MATN2: variants seen among roughly 807,000 people sequenced by gnomAD.
MATN2 encodes the protein matrilin 2, also known as matrilin-2.
A neutral mutation model predicts 103.2 loss-of-function variants in MATN2; 69 were observed. The ratio of observed to expected loss-of-function variants is 0.67; its 90% CI spans 0.55 to 0.82. The LOEUF is 0.82. MATN2 is among the 40% of genes least tolerant of loss of function. MATN2 has a pLI of 0.00. For missense variants in MATN2, 1,023 were observed against 1,211.5 expected (o/e 0.84, Z 2.31); for synonymous variants, 429 against 450.2 (o/e 0.95, Z 0.60).
At chr8:98,029,948 A>C (rs1243278726) in intron 14 of MATN2, among the ~76,000 whole-genome samples, 1 of 152,204 alleles carries the variant, frequency 6.6e-6, no homozygotes, top group Non-Finnish European at 1.5e-5. Context: ...TCTGTAGATT[A>C]TCCTTTTCAG....
intron 2 of MATN2, among the ~76,000 whole-genome samples, chr8:97,912,675 C>A (rs77888127): frequency 0.021 from 3,154 of 152,212 alleles, 84 homozygotes; most frequent in African/African-American, 0.059. Context: ...GGCAGCTCTG[C>A]TTTCCCCAAC....
chr8:97,944,430 C>G lies in MATN2; in HGVS notation c.835+2531C>G, dbSNP rs756637988. 3.9e-5 allele frequency among the ~76,000 whole-genome samples: 6 copies of G among 152,336 alleles called. No individual in the cohort carries two copies. In the East Asian group the frequency reaches 7.7e-4, roughly 20 times the overall value. ...ATGTGCAGTGATAAAGAACAGCTCTCTCTCTTTCAGAAGGGGATAATACTA... is the reference window on the plus strand; with the variant it reads ...ATGTGCAGTGATAAAGAACAGCTCTGTCTCTTTCAGAAGGGGATAATACTA... On this transcript the variant is annotated intron_variant, in intron 4 of 18. Coordinates refer to ENST00000254898, the MANE Select transcript of MATN2 (RefSeq NM_002380.5).
chr8:97,890,560 T>C (rs1328665297), intron 2 of MATN2, among the ~76,000 whole-genome samples: 1 of 152,134 alleles, frequency 6.6e-6, no homozygotes, highest in Non-Finnish European at 1.5e-5. Flanking sequence ...CAATCTGCTT[T>C]TTTTTTTCTC....
intron 7 of MATN2, among the ~76,000 whole-genome samples, chr8:98,000,815 G>A (rs760782461): frequency 8.5e-5 from 13 of 152,284 alleles, no homozygotes; most frequent in Non-Finnish European, 1.8e-4. Context: ...GTGGAACTCA[G>A]TCTAGTGAAA....
rs1305657744 is a variant in MATN2, at chr8:97,982,703, A to C, written c.1081+3695A>C. Among the ~76,000 whole-genome samples the C allele has an allele frequency of 6.6e-6, 1 of 152,236 alleles. No homozygotes were observed. The highest frequency in any genetic ancestry group is 1.5e-5 in the Non-Finnish European group (1 of 68,036). On this transcript the variant is annotated intron_variant, in intron 6 of 18. Transcript: ENST00000254898. The surrounding 1 kb of genome is among the most constrained non-coding windows in gnomAD (Gnocchi z 4.3). ...TGGTGTTCAAAAAAGCACCACCTTT[A>C]TATCAATTTCTTACCCTAGAGCAGC...
chr8:98,033,963 T>G (rs921553157), intron 18 of MATN2, among the ~76,000 whole-genome samples: 22 of 152,036 alleles, frequency 1.4e-4, no homozygotes, highest in African/African-American at 5.1e-4. Flanking sequence ...TAACTCCGTC[T>G]CTGCTAGGAA....
In MATN2 at chr8:98,021,077, G is replaced by C. The variant is rs188622481; in HGVS notation, c.1820-128G>C. 111 of 842,498 alleles carry C rather than the reference G, an allele frequency of 1.3e-4. 1 individual carries two copies. The African/African-American group carries it at 1.7e-3, about 13-fold the overall frequency. 52.2% of individuals were successfully genotyped at this position (842,498 alleles called of 1,614,324 possible). A position where few individuals can be genotyped will look rare whatever the true frequency, so the allele number is the denominator to read the frequency against. ...AGTATGAGACTGCAAAAGACATTAT[G>C]AAGGAGGTTTGAAGAGAGGTGTATT... On this transcript the variant is annotated intron_variant, in intron 12 of 18. Coordinates refer to ENST00000254898, the MANE Select transcript of MATN2 (RefSeq NM_002380.5).
At chr8:98,006,696 G>A (rs558506377) in intron 8 of MATN2, among the ~76,000 whole-genome samples, 8 of 152,298 alleles carry the variant, frequency 5.3e-5, no homozygotes, top group South Asian at 2.1e-4. Context: ...GATTCTGTGC[G>A]CCATGGCCCT....
At chr8:97,887,871 A>C in intron 1 of MATN2, 1 of 474,890 alleles carries the variant, frequency 2.1e-6, no homozygotes. Flanking sequence ...AATTCCAACT[A>C]TGCATGCCCT....
intron 6 of MATN2, 112 bp downstream of exon 6, chr8:97,979,120 G>A (rs1234448579): frequency 1.6e-6 from 2 of 1,275,288 alleles, no homozygotes; most frequent in African/African-American, 1.5e-5. Context: ...TGTCATGGGG[G>A]TCTAATACCT....
rs1468307494 is a variant in MATN2 at position 97,931,351 on chromosome 8, G to A, written c.541G>A (p.Ala181Thr). 1 of 1,613,890 alleles carries A rather than the reference G, an allele frequency of 6.2e-7. No homozygotes were observed. The highest frequency in any genetic ancestry group is 8.5e-7 in the Non-Finnish European group (1 of 1,179,882). ...ACCTCAGGACTCCGTGGCCGAGGTG[G>A]CTGCTAAGGCACGGGACACGGGCAT... ...GRPQDSVAEV[A>T]AKARDTGILI... Residue 181 changes from alanine to threonine, a missense_variant, in exon 3 of 19, where the codon GCT (alanine) becomes ACT (threonine). Transcript: ENST00000254898. The surrounding 1 kb of genome is among the most constrained non-coding windows in gnomAD (Gnocchi z 4.1).
At chr8:97,934,527 A>T (rs1263567476) in intron 3 of MATN2, among the ~76,000 whole-genome samples, 1 of 152,234 alleles carries the variant, frequency 6.6e-6, no homozygotes, top group African/African-American at 2.4e-5. Flanking sequence ...TTAAACATTC[A>T]TTGAACCTGT....
intron 1 of MATN2, among the ~76,000 whole-genome samples, chr8:97,869,631 G>A (rs1212993910): frequency 3.3e-5 from 5 of 152,234 alleles, no homozygotes; most frequent in Non-Finnish European, 4.4e-5. Flanking sequence ...GGGAAAGGGA[G>A]ACCTGTTGAG....
intron 12 of MATN2, among the ~76,000 whole-genome samples, chr8:98,019,416 G>A (rs1813498562): frequency 6.6e-6 from 1 of 152,170 alleles, no homozygotes; most frequent in Non-Finnish European, 1.5e-5. Flanking sequence ...GAGGACCTCA[G>A]TCTTTTTCTC....
At chr8:98,021,792 AAAAC>A (rs1345205509) in intron 13 of MATN2, among the ~76,000 whole-genome samples, 1 of 152,246 alleles carries the variant, frequency 6.6e-6, no homozygotes, top group Non-Finnish European at 1.5e-5. Flanking sequence ...CCATAAAAGA[AAAAC>A]AAAGGAAAAT....
At chr8:97,961,885 A>C (rs3816496) in intron 5 of MATN2, among the ~76,000 whole-genome samples, 62,764 of 152,032 alleles carry the variant, frequency 0.41, 13,387 homozygotes, top group Admixed American at 0.46. Flanking sequence ...TTATACATGA[A>C]ATTTACTTGG....
chr8:97,976,423 A>G (rs1160627019), intron 5 of MATN2, among the ~76,000 whole-genome samples: 1 of 152,198 alleles, frequency 6.6e-6, no homozygotes, highest in East Asian at 1.9e-4. Context: ...CTGAAACTTA[A>G]TGAAACTTTG....
chr8:97,952,479 A>C (rs984333608), intron 4 of MATN2, among the ~76,000 whole-genome samples: 10 of 152,106 alleles, frequency 6.6e-5, no homozygotes, highest in African/African-American at 2.4e-4. Flanking sequence ...CTCCCCCCTC[A>C]GTTCTGCCTC....
rs756052562 is a variant in MATN2, at chr8:98,033,675, A to C, written c.2815+16A>C. ...ACACAGCGCTATATCCTTTTCTTGC[A>C]TTATGCTTCTGTATGGAATGCAAAG... On this transcript the variant is annotated intron_variant, in intron 18 of 18. Coordinates refer to ENST00000254898, the MANE Select transcript of MATN2 (RefSeq NM_002380.5). The C allele has an allele frequency of 3.3e-6, 5 of 1,503,790 alleles. No individual in the cohort carries two copies. The East Asian group carries it at 1.1e-4, about 34-fold the overall frequency. The allele number at this position is 1,503,790 out of a possible 1,614,324, so 93.2% of individuals were successfully genotyped here. A position where few individuals can be genotyped will look rare whatever the true frequency, so the allele number is the denominator to read the frequency against.
Sources: gnomAD v4.1 joint callset for allele counts (sites outside exome capture counted in the v4.1 genomes callset) on GRCh38, gnomAD v4.1.1 for gene constraint, Gnocchi (gnomAD v3.1) non-coding constraint, MANE v1.5 for transcripts, NCBI Gene and HGNC (gene_info 2026-07-23, HGNC 2026-07-21) for gene names.